Variants in TCERG1L observed in about 807,000 individuals in gnomAD.
TCERG1L encodes transcription elongation regulator 1-like protein.
Under a neutral mutation model 56.3 loss-of-function variants are expected in TCERG1L, and 37 were observed. That is an observed-to-expected ratio of 0.66 (90% CI 0.51 to 0.87). TCERG1L has a LOEUF of 0.87. Ranked by LOEUF, TCERG1L falls within the 40% of genes least tolerant of loss-of-function variation. The pLI is 0.00. For synonymous variants in TCERG1L, 324 were observed against 326.3 expected (o/e 0.99, Z 0.08); for missense variants, 799 against 774.2 (o/e 1.03, Z -0.38).
intron 3 of TCERG1L, among the ~76,000 whole-genome samples, chr10:131,274,416 G>A (rs1004816544): frequency 4.6e-5 from 7 of 152,172 alleles, no homozygotes; most frequent in Admixed American, 6.5e-5. Context: ...ATCAGCCGAC[G>A]TATGAGTCTT....
At chr10:131,102,115 A>G (rs1845310477) in intron 10 of TCERG1L, among the ~76,000 whole-genome samples, 1 of 152,238 alleles carries the variant, frequency 6.6e-6, no homozygotes, top group South Asian at 2.1e-4. Context: ...ACCCAAACTC[A>G]GCTAACTCTA....
intron 4 of TCERG1L, among the ~76,000 whole-genome samples, chr10:131,240,089 C>A (rs1326904212): frequency 6.6e-6 from 1 of 152,196 alleles, no homozygotes; most frequent in Non-Finnish European, 1.5e-5. Flanking sequence ...TGGGACACGA[C>A]CCCTCCCTTA....
In TCERG1L at chr10:131,181,050, G is replaced by C. The variant is rs996764065; in HGVS notation, c.857-14165C>G. On this transcript the variant is annotated intron_variant, in intron 4 of 11. Transcript: ENST00000368642. ...CCAGGGAGTTTTAAGGCTCAGGCAGGGAAGGGCACAACCCCTGCCACTGCC... is the reference window on the plus strand; with the variant it reads ...CCAGGGAGTTTTAAGGCTCAGGCAGCGAAGGGCACAACCCCTGCCACTGCC... 4.6e-5 allele frequency among the ~76,000 whole-genome samples: 7 copies of C among 152,284 alleles called. No homozygotes were observed. The East Asian group carries it at 9.7e-4, about 21-fold the overall frequency.
chr10:131,221,097 C>T (rs1845727253), intron 4 of TCERG1L, among the ~76,000 whole-genome samples: 1 of 152,220 alleles, frequency 6.6e-6, no homozygotes, highest in Non-Finnish European at 1.5e-5. Flanking sequence ...AGGGTGGTCA[C>T]TGAGGTGGCC....
intron 6 of TCERG1L, among the ~76,000 whole-genome samples, chr10:131,155,734 G>C (rs1246668337): frequency 6.6e-6 from 1 of 152,168 alleles, no homozygotes; most frequent in Non-Finnish European, 1.5e-5. Flanking sequence ...CGAAAGCAAG[G>C]TGGCCTCAGG....
chr10:131,146,754 C>A, intron 6 of TCERG1L, 94 bp from the exon 7 acceptor site: 2 of 1,397,208 alleles, frequency 1.4e-6, no homozygotes, highest in Non-Finnish European at 1.9e-6. Flanking sequence ...CCCCTCAGGA[C>A]CGAAATCCAC....
rs936134411 is a variant in TCERG1L, at chr10:131,297,410, T to C, written c.670+10801A>G. Among the ~76,000 whole-genome samples, 9 of 152,230 alleles carry C rather than the reference T, an allele frequency of 5.9e-5. No individual in the cohort carries two copies. In the East Asian group the frequency reaches 1.7e-3, roughly 29 times the overall value. On this transcript the variant is annotated intron_variant, in intron 3 of 11. Coordinates refer to ENST00000368642, the MANE Select transcript of TCERG1L (RefSeq NM_174937.4). ...GAACAAGCATTGGATTTCAAAAAAA[T>C]AAAAAATAAAAAACTCTCTTGGTCA...
At chr10:131,112,024 T>C (rs1374266054) in intron 9 of TCERG1L, among the ~76,000 whole-genome samples, 4 of 142,684 alleles carry the variant, frequency 2.8e-5, no homozygotes, top group Non-Finnish European at 6.3e-5. Context: ...TCCTCTCTCC[T>C]GTTTCTTTCT....
intron 3 of TCERG1L, among the ~76,000 whole-genome samples, chr10:131,273,445 T>C (rs1004243112): frequency 3.3e-5 from 5 of 152,126 alleles, no homozygotes; most frequent in African/African-American, 1.2e-4. Context: ...ACAAACTCAA[T>C]GTGGAGCCTG....
At chr10:131,269,592 G>A (rs2133551711) in intron 3 of TCERG1L, among the ~76,000 whole-genome samples, 1 of 152,328 alleles carries the variant, frequency 6.6e-6, no homozygotes, top group Admixed American at 6.5e-5. Flanking sequence ...AGAACACACA[G>A]GACATTGATA....
intron 3 of TCERG1L, among the ~76,000 whole-genome samples, chr10:131,291,772 T>G (rs554267688): frequency 9.2e-5 from 14 of 151,934 alleles, no homozygotes; most frequent in African/African-American, 2.4e-4. Context: ...TCCAAGACCA[T>G]AGTAACTGTA....
intron 4 of TCERG1L, among the ~76,000 whole-genome samples, chr10:131,189,085 T>C (rs898613466): frequency 7.2e-5 from 11 of 152,236 alleles, no homozygotes; most frequent in Non-Finnish European, 1.3e-4. Flanking sequence ...TTAGCATTCA[T>C]TAAACCCACC....
At chr10:131,264,193 G>A (rs938780118) in intron 3 of TCERG1L, among the ~76,000 whole-genome samples, 3 of 151,872 alleles carry the variant, frequency 2.0e-5, no homozygotes, top group African/African-American at 7.3e-5. Flanking sequence ...TTCCTGCCGG[G>A]GATGCTCTGA....
At chr10:131,131,763 T>A (rs1845621090) in intron 8 of TCERG1L, among the ~76,000 whole-genome samples, 1 of 152,248 alleles carries the variant, frequency 6.6e-6, no homozygotes, top group African/African-American at 2.4e-5. Flanking sequence ...TTTGCTTGTT[T>A]CTTAAACAAC....
chr10:131,129,217 A>G (rs900093214), intron 8 of TCERG1L, among the ~76,000 whole-genome samples: 2 of 152,136 alleles, frequency 1.3e-5, no homozygotes, highest in Non-Finnish European at 2.9e-5. Context: ...GGAAAAAAAA[A>G]AGAAAACAGT....
At chr10:131,245,213 A>T (rs1039439114) in intron 4 of TCERG1L, among the ~76,000 whole-genome samples, 1 of 152,316 alleles carries the variant, frequency 6.6e-6, no homozygotes, top group East Asian at 1.9e-4. Flanking sequence ...CCCAACACAC[A>T]CCAGAGAAAG....
chr10:131,170,627 TA>T (rs994094743), intron 4 of TCERG1L, among the ~76,000 whole-genome samples: 2 of 152,092 alleles, frequency 1.3e-5, no homozygotes, highest in African/African-American at 4.8e-5. Context: ...AAGCCTGTGC[TA>T]AAAACTCCCA....
intron 3 of TCERG1L, among the ~76,000 whole-genome samples, chr10:131,285,538 AAAAGAAAGAAAGGAAGGAAG>A (rs1846527510): frequency 8.1e-5 from 3 of 37,232 alleles, no homozygotes; most frequent in Middle Eastern, 0.013. Flanking sequence ...GAAAGAAAAG[AAAAGAAAGAAAGGAAGGAAG>A]AAAGAAAAAG....
At chr10:131,220,345 C>A (rs1338619422) in intron 4 of TCERG1L, among the ~76,000 whole-genome samples, 1 of 152,198 alleles carries the variant, frequency 6.6e-6, no homozygotes, top group South Asian at 2.1e-4. Flanking sequence ...AGGTTAGGGA[C>A]CAGGGAGAGC....
Sources: gnomAD v4.1 joint callset for allele counts (sites outside exome capture counted in the v4.1 genomes callset) on GRCh38, gnomAD v4.1.1 for gene constraint, MANE v1.5 for transcripts, NCBI Gene and HGNC (gene_info 2026-07-23, HGNC 2026-07-21) for gene names.